The following UNC13C variants were observed in gnomAD, a reference collection of about 807,000 sequenced individuals.
UNC13C encodes the protein protein unc-13 homolog C.
In UNC13C, 174 loss-of-function variants were observed where a neutral mutation model predicts 245.4. That is an observed-to-expected ratio of 0.71 (90% CI 0.63 to 0.80). UNC13C has a LOEUF of 0.80. UNC13C is among the 30% of genes least tolerant of loss of function. The probability of loss-of-function intolerance (pLI) is 0.00; values close to 1 mark genes in which losing one functional copy is unlikely to be tolerated. For missense variants in UNC13C, 2,829 were observed against 2,602.9 expected (o/e 1.09, Z -1.89); for synonymous variants, 992 against 895.1 (o/e 1.11, Z -1.93).
intron 2 of UNC13C, among the ~76,000 whole-genome samples, chr15:54,060,533 G>C (rs891182612): frequency 6.6e-6 from 1 of 152,206 alleles, no homozygotes; most frequent in Non-Finnish European, 1.5e-5. Flanking sequence ...CTGTAAACTA[G>C]TTCAACCATT....
chr15:53,872,979 A>T, the UNC13C span, among the ~76,000 whole-genome samples: 18 of 152,064 alleles, frequency 1.2e-4, no homozygotes, highest in Non-Finnish European at 2.6e-4. Flanking sequence ...GAGCATCCAG[A>T]GCAATTTTAG....
the UNC13C span, among the ~76,000 whole-genome samples, chr15:53,922,428 A>G: frequency 2.0e-5 from 3 of 152,214 alleles, no homozygotes; most frequent in Admixed American, 2.0e-4. Context: ...TTACAAATGA[A>G]GAAACGGAAG....
At chr15:54,174,390 G>A (rs2033533380) in intron 4 of UNC13C, among the ~76,000 whole-genome samples, 1 of 152,048 alleles carries the variant, frequency 6.6e-6, no homozygotes. Flanking sequence ...GCTTATTTGC[G>A]TGATCAACTT....
At chr15:53,845,756 A>G in the UNC13C span, among the ~76,000 whole-genome samples, 4 of 152,152 alleles carry the variant, frequency 2.6e-5, no homozygotes, top group African/African-American at 7.2e-5. Context: ...TTTATTTCCT[A>G]TAATGCTATG....
chr15:53,855,693 G>T, the UNC13C span, among the ~76,000 whole-genome samples: 1 of 152,168 alleles, frequency 6.6e-6, no homozygotes, highest in Non-Finnish European at 1.5e-5. Flanking sequence ...CGATTTGCCA[G>T]TATATTATTG....
Position 54,486,540 on chromosome 15 carries a change from A to G in UNC13C, c.4934-8068A>G, listed in dbSNP as rs138765410. ...AATATATGTTGTATAAAGGAATGAA[A>G]TCCACATTTTAGTCCTTAGTTCTAA... On this transcript the variant is annotated intron_variant, in intron 19 of 32. Transcript: ENST00000260323. Among the ~76,000 whole-genome samples, 567 of 152,232 alleles carry G rather than the reference A, an allele frequency of 3.7e-3. 7 individuals carry two copies. Among genetic ancestry groups the G allele is most frequent in the African/African-American group, 0.013 (532 of 41,556 alleles).
chr15:54,310,939 G>A (rs549880961), intron 13 of UNC13C, among the ~76,000 whole-genome samples: 3 of 151,628 alleles, frequency 2.0e-5, no homozygotes, highest in East Asian at 3.9e-4. Flanking sequence ...TGTTTACTTT[G>A]ATACATACTA....
chr15:54,631,696 T>C (rs936688769), downstream of UNC13C: 5 of 152,200 alleles, frequency 3.3e-5, no homozygotes, highest in Admixed American at 2.6e-4. Context: ...CTAGTTTTTT[T>C]TGTTGAATAG....
chr15:54,047,996 C>G (rs1897113420), intron 2 of UNC13C, among the ~76,000 whole-genome samples: 1 of 152,010 alleles, frequency 6.6e-6, no homozygotes, highest in Non-Finnish European at 1.5e-5. Flanking sequence ...AAATATAAAA[C>G]CAAGAAGTAC....
At chr15:53,917,420 G>A in the UNC13C span, among the ~76,000 whole-genome samples, 2 of 152,200 alleles carry the variant, frequency 1.3e-5, no homozygotes, top group Non-Finnish European at 2.9e-5. Context: ...AAAGAAAGTT[G>A]AGTTCTCTTA....
At chr15:54,074,716 C>A (rs908038239) in intron 2 of UNC13C, among the ~76,000 whole-genome samples, 1 of 152,128 alleles carries the variant, frequency 6.6e-6, no homozygotes, top group Non-Finnish European at 1.5e-5. Flanking sequence ...GATTTTTGCA[C>A]ATTGATTTCA....
the UNC13C span, among the ~76,000 whole-genome samples, chr15:53,898,836 G>T: frequency 6.6e-6 from 1 of 152,094 alleles, no homozygotes. Context: ...ATACAATACA[G>T]TATTATTGGT....
At chr15:54,575,143 C>T (rs543835335) in intron 30 of UNC13C, among the ~76,000 whole-genome samples, 1 of 152,282 alleles carries the variant, frequency 6.6e-6, no homozygotes, top group East Asian at 1.9e-4. Flanking sequence ...TCAAGTGATT[C>T]TCCTGCCTGA....
At chr15:54,361,013 T>C (rs1426634461) in intron 17 of UNC13C, among the ~76,000 whole-genome samples, 2 of 152,166 alleles carry the variant, frequency 1.3e-5, no homozygotes, top group African/African-American at 2.4e-5. Context: ...TCTCCAGATT[T>C]GGGAAATATT....
chr15:54,170,006 TTTA>T (rs68164734), intron 4 of UNC13C, among the ~76,000 whole-genome samples: 26,778 of 105,624 alleles, frequency 0.25, 2,748 homozygotes, highest in East Asian at 0.32. Flanking sequence ...TTTTTTTTTT[TTTA>T]AACATCGCTA....
chr15:54,203,474 A>ATGTGTGTGTG (rs139567710), intron 4 of UNC13C, among the ~76,000 whole-genome samples: 9 of 133,178 alleles, frequency 6.8e-5, no homozygotes, highest in Non-Finnish European at 7.9e-5. Flanking sequence ...GTGTGTGTAT[A>ATGTGTGTGTG]TGTGTGTGTG....
At chr15:54,136,918 T>C (rs1014300596) in intron 2 of UNC13C, among the ~76,000 whole-genome samples, 1 of 152,080 alleles carries the variant, frequency 6.6e-6, no homozygotes, top group African/African-American at 2.4e-5. Flanking sequence ...CTAGGCTCAC[T>C]GCAGCCTCAA....
chr15:54,214,687 A>G (rs983096418), intron 4 of UNC13C, among the ~76,000 whole-genome samples: 1 of 151,952 alleles, frequency 6.6e-6, no homozygotes, highest in African/African-American at 2.4e-5. Context: ...ATTTGATTCT[A>G]CTTAATGACT....
At chr15:54,270,932 C>G (rs1450416118) in intron 10 of UNC13C, among the ~76,000 whole-genome samples, 1 of 152,038 alleles carries the variant, frequency 6.6e-6, no homozygotes, top group Non-Finnish European at 1.5e-5. Context: ...ACAAGGCAAG[C>G]AATCACAAAA....
Sources: gnomAD v4.1 joint callset for allele counts (sites outside exome capture counted in the v4.1 genomes callset) on GRCh38, gnomAD v4.1.1 for gene constraint, MANE v1.5 for transcripts, NCBI Gene and HGNC (gene_info 2026-07-23, HGNC 2026-07-21) for gene names.